Variants in OPRD1 observed in about 807,000 individuals in gnomAD.
OPRD1 encodes the protein delta-type opioid receptor.
Under a neutral mutation model 17.5 loss-of-function variants are expected in OPRD1, and 19 were observed. The ratio of observed to expected loss-of-function variants is 1.09; its 90% CI spans 0.76 to 1.60. OPRD1 has a LOEUF of 1.60. Among genes scored for constraint, OPRD1 ranks in the 40% most tolerant of loss-of-function variants. OPRD1 has a pLI of 0.00. For synonymous variants in OPRD1, 256 were observed against 240.9 expected, an observed-to-expected ratio of 1.06 and a Z score of -0.58; for missense variants, 483 against 547.2, an observed-to-expected ratio of 0.88 and a Z score of 1.17.
At position 28,812,558 on chromosome 1, in the gene OPRD1, G is replaced by A; in HGVS notation, c.175G>A (p.Val59Met). The A allele has an allele frequency of 6.3e-7, 1 of 1,579,620 alleles. No individual in the cohort carries two copies. Among genetic ancestry groups the A allele is most frequent in the African/African-American group, 1.4e-5 (1 of 72,294 alleles). Residue 59 changes from valine to methionine, a missense_variant, in exon 1 of 3, where the codon GTG becomes ATG. Physicochemically the swap from Val to Met is conservative, Grantham distance 21. Coordinates refer to ENST00000234961, the MANE Select transcript of OPRD1 (RefSeq NM_000911.4). The stretch of plus-strand genomic sequence containing the variant: ...CGCCATCACCGCGCTCTACTCGGCC[G>A]TGTGCGCCGTGGGGCTGCTGGGCAA... Reference protein sequence around the residue: ...AIAITALYSAVCAVGLLGNVL... With the variant: ...AIAITALYSAMCAVGLLGNVL...
rs1379031981 is a variant in OPRD1 at position 28,843,879 on chromosome 1, C to A, written c.228-15075C>A. ...AATATTCCATTGTATGTCTATACCACATTTTGTTTCTCCATCTATCAATGG... is the reference window on the plus strand; with the variant it reads ...AATATTCCATTGTATGTCTATACCAAATTTTGTTTCTCCATCTATCAATGG... On this transcript the variant is annotated intron_variant, in intron 1 of 2. Transcript: ENST00000234961. Among the ~76,000 whole-genome samples the A allele has an allele frequency of 2.0e-5, 3 of 152,254 alleles. No homozygotes were observed. The East Asian group carries it at 5.8e-4, about 29-fold the overall frequency.
intron 1 of OPRD1, among the ~76,000 whole-genome samples, chr1:28,857,698 G>T (rs1277594089): frequency 4.6e-5 from 7 of 152,058 alleles, no homozygotes; most frequent in Non-Finnish European, 7.4e-5. Flanking sequence ...GTCGCCCAGG[G>T]TGGTTTTGAA....
chr1:28,842,169 A>T (rs748345855), intron 1 of OPRD1, among the ~76,000 whole-genome samples: 1 of 152,116 alleles, frequency 6.6e-6, no homozygotes, highest in Non-Finnish European at 1.5e-5. Flanking sequence ...AGCTGGGACT[A>T]TAGGCATGCG....
intron 1 of OPRD1, among the ~76,000 whole-genome samples, chr1:28,829,646 G>A (rs1320237702): frequency 6.6e-6 from 1 of 152,054 alleles, no homozygotes; most frequent in Admixed American, 6.6e-5. Flanking sequence ...TGGGATTACA[G>A]GCGTGAGCCA....
chr1:28,824,089 G>T (rs983610922), intron 1 of OPRD1, among the ~76,000 whole-genome samples: 3 of 149,050 alleles, frequency 2.0e-5, no homozygotes, highest in Non-Finnish European at 4.4e-5. Flanking sequence ...TGAGGCAGGA[G>T]AATCGCTTGA....
intron 1 of OPRD1, among the ~76,000 whole-genome samples, chr1:28,843,678 T>G (rs1046796039): frequency 1.3e-5 from 2 of 152,184 alleles, no homozygotes; most frequent in African/African-American, 4.8e-5. Flanking sequence ...TGGAGTGCAG[T>G]GGTGTGATCT....
intron 1 of OPRD1, among the ~76,000 whole-genome samples, chr1:28,843,754 G>A (rs955426483): frequency 1.6e-4 from 24 of 152,050 alleles, no homozygotes; most frequent in African/African-American, 5.8e-4. Context: ...GAGTAGCTGG[G>A]ACTACAAACG....
At chr1:28,831,932 A>G (rs1189725126) in intron 1 of OPRD1, among the ~76,000 whole-genome samples, 1 of 152,194 alleles carries the variant, frequency 6.6e-6, no homozygotes, top group Non-Finnish European at 1.5e-5. Flanking sequence ...AGCCAGCTCT[A>G]TGAGTTTAGT....
At chr1:28,819,792 G>A (rs1462296095) in intron 1 of OPRD1, among the ~76,000 whole-genome samples, 1 of 152,180 alleles carries the variant, frequency 6.6e-6, no homozygotes, top group Admixed American at 6.6e-5. Flanking sequence ...GGACGTCTAG[G>A]TAGAGAAGCG....
At chr1:28,843,061 C>G (rs2088908107) in intron 1 of OPRD1, among the ~76,000 whole-genome samples, 1 of 152,030 alleles carries the variant, frequency 6.6e-6, no homozygotes, top group Non-Finnish European at 1.5e-5. Flanking sequence ...ATGCTGCACG[C>G]TTTCACACGT....
chr1:28,819,843 ATC>A (rs2088697707), intron 1 of OPRD1, among the ~76,000 whole-genome samples: 1 of 152,094 alleles, frequency 6.6e-6, no homozygotes, highest in Admixed American at 6.6e-5. Context: ...CTGTCTGCAA[ATC>A]TCTGAGGCCT....
intron 1 of OPRD1, among the ~76,000 whole-genome samples, chr1:28,849,121 G>T (rs1184636405): frequency 1.3e-5 from 2 of 152,100 alleles, no homozygotes; most frequent in African/African-American, 4.8e-5. Context: ...GGGAGCAGGA[G>T]GCCAGGCACG....
rs367591994 is a variant in OPRD1, at chr1:28,825,599, T to A, written c.227+12989T>A. 8.0e-4 allele frequency among the ~76,000 whole-genome samples: 122 copies of A among 152,268 alleles called. No individual in the cohort carries two copies. In the South Asian group the frequency reaches 0.02, roughly 25 times the overall value. On this transcript the variant is annotated intron_variant, in intron 1 of 2. Transcript: ENST00000234961. ...CAGGGTTTCATCATGTTGGTCAGGCTGGTCTTGAACTCCTGACCTTGTGAT... is the reference window on the plus strand; with the variant it reads ...CAGGGTTTCATCATGTTGGTCAGGCAGGTCTTGAACTCCTGACCTTGTGAT...
Position 28,854,657 on chromosome 1 carries a change from C to CTT in OPRD1, c.228-4285_228-4284dup, listed in dbSNP as rs200854418. Among the ~76,000 whole-genome samples, 221 of 144,004 alleles carry CTT rather than the reference C, an allele frequency of 1.5e-3. 1 individual carries two copies. The highest frequency in any genetic ancestry group is 5.2e-3 in the African/African-American group (205 of 39,392). 94.5% of individuals were successfully genotyped at this position (144,004 alleles called of 152,430 possible). Reference sequence around the variant, plus strand: ...ATCACAGATGTCTCTTGTGAGCCTGCTTTTTTTTTTTTTGAGACAGAGTCT... The same window carrying CTT: ...ATCACAGATGTCTCTTGTGAGCCTGCTTTTTTTTTTTTTTTGAGACAGAGTCT... On this transcript the variant is annotated intron_variant, in intron 1 of 2. Transcript: ENST00000234961.
Position 28,859,261 on chromosome 1 carries a change from G to A in OPRD1, c.535G>A (p.Val179Ile), listed in dbSNP as rs989076216. The A allele has an allele frequency of 1.5e-5, 25 of 1,614,044 alleles. No homozygotes were observed. The highest frequency in any genetic ancestry group is 1.7e-4 in the Middle Eastern group (1 of 6,050). ...CTGTATCTGGGTCCTGGCCTCAGGC[G>A]TTGGCGTGCCCATCATGGTCATGGC... ...NICIWVLASG[V>I]GVPIMVMAVT... is the part of the protein sequence containing the mutation. Residue 179 changes from valine (V) to isoleucine (I), a missense_variant, in exon 2 of 3, where the codon GTT becomes ATT. Transcript: ENST00000234961.
rs139244820 is a variant in OPRD1 at position 28,837,177 on chromosome 1, A to T, written c.228-21777A>T. Among the ~76,000 whole-genome samples the T allele has an allele frequency of 4.3e-3, 660 of 152,264 alleles. 2 individuals carry two copies. Among genetic ancestry groups the T allele is most frequent in the Non-Finnish European group, 7.9e-3 (535 of 68,018 alleles). On this transcript the variant is annotated intron_variant, in intron 1 of 2. Coordinates refer to ENST00000234961, the MANE Select transcript of OPRD1 (RefSeq NM_000911.4). ...GGAGCTTGCAACCTAGATCCCTTGC[A>T]TATGTAGTTCACAGTAGGGTTCACG...
At chr1:28,848,126 T>G (rs143562716) in intron 1 of OPRD1, among the ~76,000 whole-genome samples, 1 of 151,930 alleles carries the variant, frequency 6.6e-6, no homozygotes, top group East Asian at 1.9e-4. Flanking sequence ...CGGGTACCTG[T>G]AATCCCAAGC....
intron 1 of OPRD1, among the ~76,000 whole-genome samples, chr1:28,831,017 A>G (rs1250174987): frequency 6.6e-6 from 1 of 152,240 alleles, no homozygotes; most frequent in African/African-American, 2.4e-5. Flanking sequence ...TGCTGTCCCC[A>G]CCAGATGCCC....
intron 1 of OPRD1, among the ~76,000 whole-genome samples, chr1:28,815,829 C>G (rs1340052067): frequency 1.3e-5 from 2 of 152,108 alleles, no homozygotes; most frequent in African/African-American, 4.8e-5. Flanking sequence ...GGGTGGGGAG[C>G]AGGTGTGCAA....
Sources: allele counts gnomAD v4.1 joint callset (sites outside exome capture counted in the v4.1 genomes callset), GRCh38; gene constraint gnomAD v4.1.1; transcripts MANE v1.5; gene names NCBI Gene and HGNC (gene_info 2026-07-23, HGNC 2026-07-21).